Variants in ME3 observed in about 807,000 individuals in gnomAD.
ME3 encodes the protein malic enzyme 3.
ME3 carries 48 observed loss-of-function variants against 68.9 expected under a neutral mutation model. The observed-to-expected ratio is 0.70, with a 90% CI of 0.55 to 0.89. The LOEUF is 0.89. Among genes scored for constraint, ME3 ranks in the 40% least tolerant of loss-of-function variants. The pLI, the probability that ME3 is intolerant of heterozygous loss-of-function variation, is 0.00. For missense variants in ME3, 675 were observed against 797.4 expected (o/e 0.85, Z 1.85); for synonymous variants, 320 against 318.8 (o/e 1.00, Z -0.04).
chr11:86,532,667 G>C (rs1955343928), intron 4 of ME3, among the ~76,000 whole-genome samples: 1 of 152,144 alleles, frequency 6.6e-6, no homozygotes, highest in Non-Finnish European at 1.5e-5. Flanking sequence ...AAAATATCTT[G>C]AGATAAATGA....
At chr11:86,617,060 T>G (rs929071745) in intron 2 of ME3, among the ~76,000 whole-genome samples, 12 of 138,390 alleles carry the variant, frequency 8.7e-5, no homozygotes, top group African/African-American at 2.4e-4. Flanking sequence ...TTTTTTTTTT[T>G]TTTTTTTTTT....
intron 2 of ME3, among the ~76,000 whole-genome samples, chr11:86,598,747 A>T (rs941558942): frequency 6.6e-6 from 1 of 152,208 alleles, no homozygotes; most frequent in Non-Finnish European, 1.5e-5. Flanking sequence ...CTCCTCTGAG[A>T]CAAAACTTCC....
intron 2 of ME3, among the ~76,000 whole-genome samples, chr11:86,598,605 C>T (rs1282725885): frequency 5.9e-5 from 9 of 152,068 alleles, no homozygotes; most frequent in Non-Finnish European, 1.2e-4. Context: ...CAGTGGTTCT[C>T]CCAGCATGCA....
exon 12 of ME3, chr11:86,447,194 G>A (rs958704149): frequency 6.8e-6 from 11 of 1,614,086 alleles, no homozygotes; most frequent in African/African-American, 2.7e-5. Context: ...AGGCTCCTGC[G>A]ATGGCAGCAA....
chr11:86,588,568 G>T (rs1202356624), intron 2 of ME3, among the ~76,000 whole-genome samples: 1 of 152,184 alleles, frequency 6.6e-6, no homozygotes. Flanking sequence ...TACTAGAGCA[G>T]AAAGGGCAAC....
chr11:86,495,305 TG>T (rs1464833146), intron 6 of ME3, among the ~76,000 whole-genome samples: 8 of 152,232 alleles, frequency 5.3e-5, no homozygotes, highest in Non-Finnish European at 1.0e-4. Flanking sequence ...CCACAATTAC[TG>T]CTACTTTCCA....
intron 2 of ME3, among the ~76,000 whole-genome samples, chr11:86,569,369 C>T (rs1173642453): frequency 6.6e-6 from 1 of 152,146 alleles, no homozygotes; most frequent in Admixed American, 6.5e-5. Context: ...ACCCCTGTTC[C>T]CCATTCTCTG....
chr11:86,530,992 A>G (rs1955184122), intron 4 of ME3, among the ~76,000 whole-genome samples: 1 of 152,160 alleles, frequency 6.6e-6, no homozygotes, highest in South Asian at 2.1e-4. Context: ...GCCAAAATTG[A>G]CAAATGGGAT....
intron 6 of ME3, among the ~76,000 whole-genome samples, chr11:86,489,735 C>T (rs1337674712): frequency 2.6e-5 from 4 of 152,150 alleles, no homozygotes; most frequent in African/African-American, 9.7e-5. Flanking sequence ...AGTCCTCGCT[C>T]CCTTCTGCTC....
intron 6 of ME3, among the ~76,000 whole-genome samples, chr11:86,490,456 A>G (rs1199788697): frequency 6.6e-6 from 1 of 152,184 alleles, no homozygotes; most frequent in Non-Finnish European, 1.5e-5. Flanking sequence ...CAAAGTGACC[A>G]TCAAAGGTCA....
chr11:86,596,570 C>T (rs1350944782), intron 2 of ME3, among the ~76,000 whole-genome samples: 2 of 152,212 alleles, frequency 1.3e-5, no homozygotes, highest in Admixed American at 6.5e-5. Context: ...CCTCCTTCTC[C>T]CTTACTCTCA....
At chr11:86,534,944 C>T (rs927914698) in intron 4 of ME3, among the ~76,000 whole-genome samples, 2 of 152,066 alleles carry the variant, frequency 1.3e-5, no homozygotes, top group Non-Finnish European at 2.9e-5. Context: ...TTGGGCCCTA[C>T]TCCTGACACA....
At chr11:86,626,483 T>C (rs575748514) in intron 2 of ME3, among the ~76,000 whole-genome samples, 2 of 152,220 alleles carry the variant, frequency 1.3e-5, no homozygotes, top group Non-Finnish European at 2.9e-5. Context: ...TGGCACCCTC[T>C]CCTCAGAAGT....
intron 2 of ME3, among the ~76,000 whole-genome samples, chr11:86,635,890 GCA>G (rs1944303205): frequency 6.6e-6 from 1 of 152,222 alleles, no homozygotes; most frequent in African/African-American, 2.4e-5. Context: ...TGAGAGATAA[GCA>G]CAGTCTGGTC....
intron 11 of ME3, 126 bp downstream of exon 11, chr11:86,448,024 C>A: frequency 1.5e-6 from 1 of 651,614 alleles, no homozygotes; most frequent in Non-Finnish European, 2.7e-6. Flanking sequence ...CATTGAATTG[C>A]ACATGGGATA....
At position 86,625,903 on chromosome 11, in the gene ME3, G is replaced by A. The variant is rs118077996; in HGVS notation, c.183+45859C>T. 1.4e-3 allele frequency among the ~76,000 whole-genome samples: 208 copies of A among 152,220 alleles called. 1 individual carries two copies. The highest frequency in any genetic ancestry group is 2.8e-3 in the Admixed American group (43 of 15,298). On this transcript the variant is annotated intron_variant, in intron 2 of 14. Coordinates refer to ENST00000543262, the Ensembl canonical transcript of ME3. ...TCTGTATCGTTACCTGTAAAATGGG[G>A]ATAATATGAGTATATACCTCCACAG... is the stretch of plus-strand genomic sequence containing the variant.
intron 2 of ME3, among the ~76,000 whole-genome samples, chr11:86,606,300 T>A (rs1207005199): frequency 6.6e-6 from 1 of 152,138 alleles, no homozygotes; most frequent in East Asian, 1.9e-4. Context: ...GTACACTATT[T>A]CCCTCCTGGG....
At chr11:86,537,052 C>T (rs866901801) in intron 4 of ME3, among the ~76,000 whole-genome samples, 25 of 149,988 alleles carry the variant, frequency 1.7e-4, no homozygotes, top group South Asian at 1.1e-3. Context: ...AACCAAACAC[C>T]GCATATTCTC....
At chr11:86,651,850 A>T (rs1305978008) in intron 2 of ME3, among the ~76,000 whole-genome samples, 7 of 152,194 alleles carry the variant, frequency 4.6e-5, no homozygotes, top group Non-Finnish European at 1.0e-4. Context: ...ACCTTGAAAA[A>T]AGATTAGACG....
Sources: allele counts gnomAD v4.1 joint callset (sites outside exome capture counted in the v4.1 genomes callset), GRCh38; gene constraint gnomAD v4.1.1; transcripts MANE v1.5; gene names NCBI Gene and HGNC (gene_info 2026-07-23, HGNC 2026-07-21).